The following MKLN1 variants were observed in gnomAD, a reference collection of about 807,000 sequenced individuals.
The protein encoded by MKLN1 is muskelin.
MKLN1 carries 18 observed loss-of-function variants against 99.0 expected under a neutral mutation model. The ratio of observed to expected loss-of-function variants is 0.18; its 90% confidence interval spans 0.13 to 0.27. The LOEUF is 0.27. Among genes scored for constraint, MKLN1 ranks in the 10% least tolerant of loss-of-function variants. MKLN1 has a pLI of 1.00. For missense variants in MKLN1, 621 were observed against 875.9 expected (o/e 0.71, Z 3.67); for synonymous variants, 288 against 293.2 (o/e 0.98, Z 0.18).
At chr7:131,451,893 TC>T (rs1167483040) in intron 12 of MKLN1, among the ~76,000 whole-genome samples, 1 of 152,220 alleles carries the variant, frequency 6.6e-6, no homozygotes, top group East Asian at 1.9e-4. Flanking sequence ...AGAAACTCAG[TC>T]TACTATAGTA....
At chr7:131,380,782 A>G (rs1250545040) in intron 2 of MKLN1, among the ~76,000 whole-genome samples, 1 of 152,180 alleles carries the variant, frequency 6.6e-6, no homozygotes, top group East Asian at 1.9e-4. Context: ...TCCCATAATC[A>G]TACGGTAATT....
intron 3 of MKLN1, among the ~76,000 whole-genome samples, chr7:131,227,563 C>T (rs1228510851): frequency 1.3e-4 from 12 of 95,984 alleles, no homozygotes; most frequent in African/African-American, 4.3e-4. Flanking sequence ...TCCTTCCTTC[C>T]CTCTTTCTTT....
At chr7:131,287,883 C>T (rs1371209077) in intron 3 of MKLN1, among the ~76,000 whole-genome samples, 2 of 151,956 alleles carry the variant, frequency 1.3e-5, no homozygotes, top group Non-Finnish European at 2.9e-5. Flanking sequence ...GGGGCTCTTC[C>T]CCCTTTGCTT....
chr7:131,256,579 A>G (rs114150289), intron 3 of MKLN1, among the ~76,000 whole-genome samples: 1 of 152,364 alleles, frequency 6.6e-6, no homozygotes, highest in African/African-American at 2.4e-5. Flanking sequence ...TTGCACAGGA[A>G]CAAATGAAGA....
At chr7:131,358,251 T>C (rs1799937376) in intron 1 of MKLN1, among the ~76,000 whole-genome samples, 1 of 152,190 alleles carries the variant, frequency 6.6e-6, no homozygotes, top group South Asian at 2.1e-4. Flanking sequence ...TTTTTAATCA[T>C]GAATATGTGT....
At chr7:131,459,641 T>C (rs1398424119) in intron 12 of MKLN1, among the ~76,000 whole-genome samples, 2 of 152,220 alleles carry the variant, frequency 1.3e-5, no homozygotes, top group Non-Finnish European at 2.9e-5. Context: ...AATCTGCTGT[T>C]TCCTTCTTTG....
chr7:131,340,396 G>GC (rs201252485), intron 1 of MKLN1, among the ~76,000 whole-genome samples: 7,522 of 144,942 alleles, frequency 0.052, 251 homozygotes, highest in East Asian at 0.2. Context: ...TCCTGCCTCA[G>GC]CCCCCCCAAG....
intron 3 of MKLN1, among the ~76,000 whole-genome samples, chr7:131,313,949 A>G (rs1465271193): frequency 6.6e-6 from 1 of 152,246 alleles, no homozygotes; most frequent in Admixed American, 6.5e-5. Flanking sequence ...GGGAAACTCC[A>G]TGGGACTGGG....
At chr7:131,303,442 C>T (rs1017733680) in intron 3 of MKLN1, among the ~76,000 whole-genome samples, 2 of 152,254 alleles carry the variant, frequency 1.3e-5, no homozygotes, top group Non-Finnish European at 2.9e-5. Context: ...CCTTACTCAA[C>T]AAACAGAACC....
At chr7:131,367,760 A>G (rs1800223724) in intron 1 of MKLN1, among the ~76,000 whole-genome samples, 1 of 152,130 alleles carries the variant, frequency 6.6e-6, no homozygotes, top group African/African-American at 2.4e-5. Context: ...ATACTGGCCC[A>G]TCCCATCTCC....
At chr7:131,116,925 C>T (rs1004505138) in intron 1 of MKLN1, among the ~76,000 whole-genome samples, 8 of 152,164 alleles carry the variant, frequency 5.3e-5, no homozygotes, top group Admixed American at 6.5e-5. Context: ...GTGGGTATCA[C>T]GTCTATGGAG....
chr7:131,286,695 C>T (rs1004487098), intron 3 of MKLN1, among the ~76,000 whole-genome samples: 3 of 152,160 alleles, frequency 2.0e-5, no homozygotes, highest in African/African-American at 7.2e-5. Flanking sequence ...ATGTACAAGA[C>T]AAGGTTCTTG....
intron 1 of MKLN1, among the ~76,000 whole-genome samples, chr7:131,130,055 A>C (rs1359376070): frequency 1.3e-5 from 2 of 152,224 alleles, no homozygotes; most frequent in African/African-American, 4.8e-5. Context: ...ATAAAGAAGA[A>C]ATTTAAGATG....
intron 9 of MKLN1, among the ~76,000 whole-genome samples, chr7:131,434,893 G>A (rs1309246771): frequency 6.6e-6 from 1 of 152,114 alleles, no homozygotes; most frequent in East Asian, 1.9e-4. Context: ...TTATTGCACT[G>A]ACTTGAACTT....
At chr7:131,275,868 T>C (rs1026440215) in intron 3 of MKLN1, among the ~76,000 whole-genome samples, 4 of 152,086 alleles carry the variant, frequency 2.6e-5, no homozygotes, top group African/African-American at 9.7e-5. Context: ...CTGAAGGTGA[T>C]GTAGACTTAC....
intron 3 of MKLN1, among the ~76,000 whole-genome samples, chr7:131,272,657 G>T (rs185377203): frequency 5.9e-5 from 9 of 152,210 alleles, no homozygotes; most frequent in African/African-American, 2.2e-4. Flanking sequence ...TGGACTTACA[G>T]TTCCACATGG....
At position 131,490,483 on chromosome 7, in the gene MKLN1, G is replaced by C. The variant is rs1478322401; in HGVS notation, c.*2755G>C. ...TGCATTTTATTTTGGTAATGGCAGA[G>C]ACCTCATGTGGCCAGTTTGATTGAT... On this transcript the variant is annotated 3_prime_UTR_variant, in exon 18 of 18. Coordinates refer to ENST00000352689, the MANE Select transcript of MKLN1 (RefSeq NM_013255.5). The C allele has an allele frequency of 1.3e-5, 2 of 152,538 alleles. No individual in the cohort carries two copies. Among genetic ancestry groups the C allele is most frequent in the African/African-American group, 2.4e-5 (1 of 41,430 alleles). 9.4% of individuals were successfully genotyped at this position (152,538 alleles called of 1,614,324 possible).
intron 1 of MKLN1, among the ~76,000 whole-genome samples, chr7:131,358,096 A>G (rs1385414415): frequency 6.6e-6 from 1 of 152,052 alleles, no homozygotes; most frequent in Admixed American, 6.6e-5. Context: ...CATTTCCAGG[A>G]TAGTATTGAA....
chr7:131,318,028 A>G (rs554821416), intron 3 of MKLN1, among the ~76,000 whole-genome samples: 27 of 152,282 alleles, frequency 1.8e-4, no homozygotes, highest in Non-Finnish European at 3.4e-4. Flanking sequence ...TTAACACCAC[A>G]CTGTCAATAT....
Sources: allele counts gnomAD v4.1 joint callset (sites outside exome capture counted in the v4.1 genomes callset), GRCh38; gene constraint gnomAD v4.1.1; transcripts MANE v1.5; gene names NCBI Gene and HGNC (gene_info 2026-07-23, HGNC 2026-07-21).